Variants in KCNIP1 observed in about 807,000 individuals in gnomAD.
KCNIP1 encodes A-type potassium channel modulatory protein KCNIP1.
Under a neutral mutation model 33.0 loss-of-function variants are expected in KCNIP1, and 18 were observed. The ratio of observed to expected loss-of-function variants is 0.55; its 90% CI spans 0.38 to 0.81. The LOEUF is 0.81. KCNIP1 is among the 30% of genes least tolerant of loss of function. KCNIP1 has a pLI of 0.00. For synonymous variants in KCNIP1, 93 were observed against 98.3 expected (o/e 0.95, Z 0.32); for missense variants, 238 against 271.6 (o/e 0.88, Z 0.87).
intron 5 of KCNIP1, among the ~76,000 whole-genome samples, chr5:170,731,256 G>T (rs1326901181): frequency 6.6e-6 from 1 of 152,122 alleles, no homozygotes; most frequent in African/African-American, 2.4e-5. Context: ...CACTGAGAAG[G>T]TTATACCATC....
intron 1 of KCNIP1, among the ~76,000 whole-genome samples, chr5:170,664,916 G>T (rs1045551192): frequency 5.9e-5 from 9 of 152,146 alleles, no homozygotes; most frequent in African/African-American, 9.7e-5. Context: ...GTAAAATTTA[G>T]TTGACTCCCG....
At chr5:170,690,267 C>T (rs1256420842) in intron 1 of KCNIP1, among the ~76,000 whole-genome samples, 13 of 152,202 alleles carry the variant, frequency 8.5e-5, no homozygotes, top group Admixed American at 7.9e-4. Flanking sequence ...CCACCTCCCA[C>T]ACAATGTAGA....
chr5:170,641,482 C>G (rs1398269739), intron 1 of KCNIP1, among the ~76,000 whole-genome samples: 1 of 152,202 alleles, frequency 6.6e-6, no homozygotes, highest in African/African-American at 2.4e-5. Context: ...CTCCAGCAGT[C>G]GGGAGGGTTG....
At chr5:170,509,232 G>T (rs559253140) in intron 1 of KCNIP1, among the ~76,000 whole-genome samples, 3 of 152,274 alleles carry the variant, frequency 2.0e-5, no homozygotes, top group Non-Finnish European at 4.4e-5. Flanking sequence ...GGAAAGTGCT[G>T]AGAACAGTGA....
At chr5:170,600,888 G>C (rs376958680) in intron 1 of KCNIP1, among the ~76,000 whole-genome samples, 1 of 152,248 alleles carries the variant, frequency 6.6e-6, no homozygotes. Flanking sequence ...ATTAGTGCAG[G>C]GTCTGGAATG....
At chr5:170,553,074 G>A (rs912784836) in intron 1 of KCNIP1, among the ~76,000 whole-genome samples, 10 of 152,230 alleles carry the variant, frequency 6.6e-5, no homozygotes, top group East Asian at 1.9e-4. Flanking sequence ...GCCCGTGCCT[G>A]GGGGAGAGAG....
intron 1 of KCNIP1, among the ~76,000 whole-genome samples, chr5:170,579,707 G>A (rs969745216): frequency 8.5e-5 from 13 of 152,158 alleles, no homozygotes; most frequent in African/African-American, 1.9e-4. Context: ...CAAGAGATTC[G>A]TTCCAATCTA....
chr5:170,487,520 AC>A (rs1485467528), intron 1 of KCNIP1, among the ~76,000 whole-genome samples: 4 of 146,274 alleles, frequency 2.7e-5, no homozygotes, highest in African/African-American at 1.0e-4. Context: ...TAGTCACGGA[AC>A]TTTTTTTTTT....
At chr5:170,455,127 C>T (rs945838281) in intron 1 of KCNIP1, among the ~76,000 whole-genome samples, 2 of 152,052 alleles carry the variant, frequency 1.3e-5, no homozygotes, top group African/African-American at 4.8e-5. Flanking sequence ...TATTTAGAAA[C>T]TTCAATACCT....
At chr5:170,654,093 T>C (rs1219604867) in intron 1 of KCNIP1, among the ~76,000 whole-genome samples, 1 of 152,142 alleles carries the variant, frequency 6.6e-6, no homozygotes, top group Non-Finnish European at 1.5e-5. Flanking sequence ...TGAAACATCC[T>C]CTGCACTCCA....
At chr5:170,481,968 G>A (rs1163183825) in intron 1 of KCNIP1, among the ~76,000 whole-genome samples, 1 of 152,216 alleles carries the variant, frequency 6.6e-6, no homozygotes, top group Non-Finnish European at 1.5e-5. Flanking sequence ...TCTGTAGGTA[G>A]TAAAGTGAAT....
chr5:170,386,650 T>A (rs1485310852), intron 1 of KCNIP1, among the ~76,000 whole-genome samples: 2 of 150,126 alleles, frequency 1.3e-5, no homozygotes, highest in African/African-American at 4.9e-5. Context: ...CAGCTGCAGG[T>A]TGTCAGGAGA....
chr5:170,684,582 CA>C (rs1378251791), intron 1 of KCNIP1, among the ~76,000 whole-genome samples: 2 of 152,190 alleles, frequency 1.3e-5, no homozygotes, highest in African/African-American at 4.8e-5. Context: ...GGTATGGATA[CA>C]CCCATTGATT....
At chr5:170,439,491 G>GA (rs1316996930) in intron 1 of KCNIP1, among the ~76,000 whole-genome samples, 2 of 151,972 alleles carry the variant, frequency 1.3e-5, no homozygotes, top group Non-Finnish European at 2.9e-5. Context: ...GACGGGGGCG[G>GA]GGGGGTGCGG....
chr5:170,538,574 C>T (rs1756081783), intron 1 of KCNIP1, among the ~76,000 whole-genome samples: 1 of 151,934 alleles, frequency 6.6e-6, no homozygotes, highest in Admixed American at 6.5e-5. Context: ...TTCTTCCCCA[C>T]CTCCATTCTT....
In KCNIP1 at chr5:170,628,976, T is replaced by C. The variant is rs545269235; in HGVS notation, c.62-89782T>C. Among the ~76,000 whole-genome samples, 9 of 152,316 alleles carry C rather than the reference T, an allele frequency of 5.9e-5. No homozygotes were observed. In the South Asian group the frequency reaches 8.3e-4, roughly 14 times the overall value. On this transcript the variant is annotated intron_variant, in intron 1 of 7. Coordinates refer to ENST00000328939, the MANE Select transcript of KCNIP1 (RefSeq NM_014592.4). Reference sequence around the variant, plus strand: ...CAGCGCTGGCCACAAGCCCACCCTGTGCCTCGTCAGCCCCACTGAGCCTCT... The same window carrying C: ...CAGCGCTGGCCACAAGCCCACCCTGCGCCTCGTCAGCCCCACTGAGCCTCT...
chr5:170,461,577 C>T lies in KCNIP1; in HGVS notation c.88+107613C>T, dbSNP rs973992649. On this transcript the variant is annotated intron_variant, in intron 1 of 7. Transcript: ENST00000377360. ...CATCCTGGCTAACATGGTAAAACTC[C>T]GTCTCTACTAAAAATACAAAAAATT... Among the ~76,000 whole-genome samples the T allele has an allele frequency of 8.6e-5, 13 of 151,972 alleles. No individual in the cohort carries two copies. In the East Asian group the frequency reaches 9.7e-4, roughly 11 times the overall value.
At chr5:170,523,860 T>C (rs1294182017) in intron 1 of KCNIP1, among the ~76,000 whole-genome samples, 2 of 152,110 alleles carry the variant, frequency 1.3e-5, no homozygotes, top group Non-Finnish European at 2.9e-5. Flanking sequence ...CAGCCAGACA[T>C]ACCTAACCTC....
chr5:170,610,601 T>A (rs1759107814), intron 1 of KCNIP1, among the ~76,000 whole-genome samples: 1 of 152,234 alleles, frequency 6.6e-6, no homozygotes, highest in South Asian at 2.1e-4. Flanking sequence ...TTTCATTAAC[T>A]GAGTGACCTT....
Sources: allele counts gnomAD v4.1 joint callset (sites outside exome capture counted in the v4.1 genomes callset), GRCh38; gene constraint gnomAD v4.1.1; transcripts MANE v1.5; gene names NCBI Gene and HGNC (gene_info 2026-07-23, HGNC 2026-07-21).